Variants in PHACTR2 observed in about 807,000 individuals in gnomAD.
PHACTR2 encodes the protein chromosome 6 open reading frame 56.
PHACTR2 carries 30 observed loss-of-function variants against 76.0 expected under a neutral mutation model. The ratio of observed to expected loss-of-function variants is 0.39; its 90% CI spans 0.30 to 0.54. The LOEUF is 0.54. Among genes scored for constraint, PHACTR2 ranks in the 20% least tolerant of loss-of-function variants. The probability of loss-of-function intolerance (pLI) is 0.61; values close to 1 mark genes in which losing one functional copy is unlikely to be tolerated. For missense variants in PHACTR2, 696 were observed against 781.1 expected, an observed-to-expected ratio of 0.89 and a Z score of 1.30; for synonymous variants, 292 against 292.5, an observed-to-expected ratio of 1.00 and a Z score of 0.02.
chr6:143,598,339 A>G lies in PHACTR2; in HGVS notation c.217+61132A>G, dbSNP rs1466854871. Among the ~76,000 whole-genome samples, 7 of 152,178 alleles carry G rather than the reference A, an allele frequency of 4.6e-5. No homozygotes were observed. The highest frequency in any genetic ancestry group is 8.8e-5 in the Non-Finnish European group (6 of 68,034). Reference sequence around the variant, plus strand: ...ATTTTGGAGCAATGAGGCTGTAACCAAAGAATGCAACTGAGCCTAGGAGGT... The same window carrying G: ...ATTTTGGAGCAATGAGGCTGTAACCGAAGAATGCAACTGAGCCTAGGAGGT... On this transcript the variant is annotated intron_variant, in intron 1 of 11. Coordinates refer to the PHACTR2 transcript ENST00000367584. The surrounding 1 kb of genome is among the most constrained non-coding windows in gnomAD (Gnocchi z 4.1).
In PHACTR2 at chr6:143,826,746, T is replaced by C. The variant is rs1327038739; in HGVS notation, c.*3057T>C. The C allele has an allele frequency of 2.6e-5, 4 of 152,190 alleles. No homozygotes were observed. The highest frequency in any genetic ancestry group is 9.6e-5 in the African/African-American group (4 of 41,458). The allele number at this position is 152,190 out of a possible 1,614,324, so 9.4% of individuals were successfully genotyped here. ...TTGCCTGATAATTTCCTGTGTTATG[T>C]GAAGTGTCTTGCACTTTCACATGTT... On this transcript the variant is annotated 3_prime_UTR_variant, in exon 13 of 13. Coordinates refer to ENST00000440869, the MANE Select transcript of PHACTR2 (RefSeq NM_001100164.2).
rs1776528944 is a variant in PHACTR2, at chr6:143,826,288, G to A, written c.*2599G>A. 6.6e-6 allele frequency: 1 copy of A among 152,298 alleles called. No homozygotes were observed. The highest frequency in any genetic ancestry group is 1.5e-5 in the Non-Finnish European group (1 of 68,104). The allele number at this position is 152,298 out of a possible 1,614,324, so 9.4% of individuals were successfully genotyped here. A position where few individuals can be genotyped will look rare whatever the true frequency, so the allele number is the denominator to read the frequency against. On this transcript the variant is annotated 3_prime_UTR_variant, in exon 13 of 13. Coordinates refer to ENST00000440869, the MANE Select transcript of PHACTR2 (RefSeq NM_001100164.2). ...CTGGGGGCCCTAAAGGGATGCAGAG[G>A]TCTGGCCCACCCTCCGTGCATAGGC...
chr6:143,676,836 A>G (rs975709485), upstream of PHACTR2, among the ~76,000 whole-genome samples: 1 of 152,156 alleles, frequency 6.6e-6, no homozygotes, highest in Non-Finnish European at 1.5e-5. This position sits in a 1 kb window ranked among gnomAD's most constrained non-coding sequence, Gnocchi z 4.8. Flanking sequence ...TCTTCCTCAC[A>G]GTGGTGGGTG....
In PHACTR2 at chr6:143,733,952, T is replaced by A. The variant is rs1778762748; in HGVS notation, c.215-15033T>A. ...AGGTATATAATTGTGTTAAAACAGA[T>A]TTCCTCTATGTGCTCTAAATATAAA... On this transcript the variant is annotated intron_variant, in intron 2 of 12. Transcript: ENST00000440869. The surrounding 1 kb of genome is among the most constrained non-coding windows in gnomAD (Gnocchi z 4.0). Among the ~76,000 whole-genome samples, 1 of 152,228 alleles carries A rather than the reference T, an allele frequency of 6.6e-6. No individual in the cohort carries two copies. The highest frequency in any genetic ancestry group is 1.9e-4 in the East Asian group (1 of 5,202).
rs1778873785 is a variant in PHACTR2, at chr6:143,738,725, C to T, written c.215-10260C>T. 6.6e-6 allele frequency among the ~76,000 whole-genome samples: 1 copy of T among 151,708 alleles called. No individual in the cohort carries two copies. Among genetic ancestry groups the T allele is most frequent in the Admixed American group, 6.6e-5 (1 of 15,238 alleles). ...GAGCCAAGATCGTGCAACTGTACTC[C>T]AGCCTGGGTGATAGAGCAGGACCTT... On this transcript the variant is annotated intron_variant, in intron 2 of 12. Transcript: ENST00000440869. The surrounding 1 kb of genome is among the most constrained non-coding windows in gnomAD (Gnocchi z 4.0).
intron 1 of PHACTR2, among the ~76,000 whole-genome samples, chr6:143,644,890 T>C (rs1424241875): frequency 6.6e-6 from 1 of 152,130 alleles, no homozygotes; most frequent in South Asian, 2.1e-4. Flanking sequence ...GTAAGTTCTT[T>C]AGTGGTGATT....
chr6:143,584,340 A>T (rs1055550650), intron 1 of PHACTR2, among the ~76,000 whole-genome samples: 1 of 152,228 alleles, frequency 6.6e-6, no homozygotes, highest in African/African-American at 2.4e-5. Context: ...AGGCATCCTG[A>T]GTCCCTCCAC....
rs1164585926 is a variant in PHACTR2 at position 143,806,966 on chromosome 6, A to C, written c.1846-91A>C. 1 of 654,476 alleles carries C rather than the reference A, an allele frequency of 1.5e-6. No individual in the cohort carries two copies. Among genetic ancestry groups the C allele is most frequent in the Non-Finnish European group, 2.6e-6 (1 of 383,448 alleles). The allele number at this position is 654,476 out of a possible 1,614,324, so 40.5% of individuals were successfully genotyped here. On this transcript the variant is annotated intron_variant, in intron 11 of 12. Transcript: ENST00000440869. The surrounding 1 kb of genome is among the most constrained non-coding windows in gnomAD (Gnocchi z 5.8). ...AGCGAGACTCTATCTCTTAAAAAAA[A>C]AAAAAAGGTCTGCTTCATTGATGCT...
intron 1 of PHACTR2, among the ~76,000 whole-genome samples, chr6:143,615,259 T>C (rs1776041937): frequency 6.6e-6 from 1 of 152,216 alleles, no homozygotes; most frequent in African/African-American, 2.4e-5. Context: ...CAACTCATCA[T>C]TTTTCATGTT....
At chr6:143,574,267 T>C (rs958411482) in intron 1 of PHACTR2, among the ~76,000 whole-genome samples, 1 of 152,194 alleles carries the variant, frequency 6.6e-6, no homozygotes, top group Non-Finnish European at 1.5e-5. Flanking sequence ...TCTAGTTCAC[T>C]AAGGCAGAGT....
chr6:143,556,813 T>C lies in PHACTR2; in HGVS notation c.217+19606T>C, dbSNP rs1262732340. On this transcript the variant is annotated intron_variant, in intron 1 of 11. Coordinates refer to the PHACTR2 transcript ENST00000367584. This position sits in a 1 kb window ranked among gnomAD's most constrained non-coding sequence, Gnocchi z 4.3. The stretch of plus-strand genomic sequence containing the variant: ...ACCATGGGGTCCAATTGCTGCCATT[T>C]AGAAAAGCATGCTTTTAAAGTGTGT... Among the ~76,000 whole-genome samples, 1 of 152,226 alleles carries C rather than the reference T, an allele frequency of 6.6e-6. No homozygotes were observed. The highest frequency in any genetic ancestry group is 1.5e-5 in the Non-Finnish European group (1 of 68,030).
At chr6:143,577,538 T>A (rs530996839) in intron 1 of PHACTR2, among the ~76,000 whole-genome samples, 6 of 152,108 alleles carry the variant, frequency 3.9e-5, no homozygotes, top group African/African-American at 1.4e-4. Flanking sequence ...AGCAGAGGCA[T>A]TGAGATGAGA....
intron 2 of PHACTR2, among the ~76,000 whole-genome samples, chr6:143,737,799 T>C (rs765490487): frequency 3.3e-5 from 5 of 152,246 alleles, no homozygotes; most frequent in Non-Finnish European, 7.3e-5. Flanking sequence ...GTAGTTTATC[T>C]TTCCTGCTTT....
intron 1 of PHACTR2, among the ~76,000 whole-genome samples, chr6:143,552,346 C>T (rs1775106570): frequency 4.6e-5 from 7 of 152,148 alleles, no homozygotes; most frequent in Admixed American, 4.6e-4. Flanking sequence ...CAAAGCATTT[C>T]TGATGAAGTT....
Position 143,621,818 on chromosome 6 carries a change from C to T in PHACTR2, c.13+13496C>T, listed in dbSNP as rs1383535028. Among the ~76,000 whole-genome samples, 2 of 152,210 alleles carry T rather than the reference C, an allele frequency of 1.3e-5. No individual in the cohort carries two copies. Among genetic ancestry groups the T allele is most frequent in the African/African-American group, 4.8e-5 (2 of 41,458 alleles). Reference sequence around the variant, plus strand: ...TTTGCGAACAGTAGCTCATTTCTTCCTCTCAGCTACCTCCCAAGGTGATCA... The same window carrying T: ...TTTGCGAACAGTAGCTCATTTCTTCTTCTCAGCTACCTCCCAAGGTGATCA... On this transcript the variant is annotated intron_variant, in intron 1 of 11. Transcript: ENST00000305766. The surrounding 1 kb of genome is among the most constrained non-coding windows in gnomAD (Gnocchi z 4.1).
intron 2 of PHACTR2, among the ~76,000 whole-genome samples, chr6:143,725,646 C>T (rs1455494634): frequency 1.3e-5 from 2 of 151,628 alleles, no homozygotes. Context: ...ACCATCCTGG[C>T]CAATATGGTG....
intron 1 of PHACTR2, among the ~76,000 whole-genome samples, chr6:143,626,536 C>CAAAAA (rs35107482): frequency 0.015 from 1,878 of 122,080 alleles, 60 homozygotes; most frequent in Non-Finnish European, 0.022. Context: ...GACTCCGTCT[C>CAAAAA]AAAAAAAAAA....
Position 143,817,232 on chromosome 6 carries a change from A to C in PHACTR2, c.1923-6442A>C, listed in dbSNP as rs543655386. Among the ~76,000 whole-genome samples the C allele has an allele frequency of 5.3e-5, 8 of 152,340 alleles. No homozygotes were observed. The South Asian group carries it at 1.7e-3, about 32-fold the overall frequency. ...CCCTTGAATTCAAGATTAGATGAAC[A>C]TCTGAAGATTAGGACACTGTGGAAT... On this transcript the variant is annotated intron_variant, in intron 12 of 12. Coordinates refer to ENST00000440869, the MANE Select transcript of PHACTR2 (RefSeq NM_001100164.2).
rs142857063 is a variant in PHACTR2, at chr6:143,565,932, A to T, written c.217+28725A>T. Reference sequence around the variant, plus strand: ...TACAGATAATTTTTAAAAAGCATTCACTTTGCTGCTGTGTTGGAAATAGAG... The same window carrying T: ...TACAGATAATTTTTAAAAAGCATTCTCTTTGCTGCTGTGTTGGAAATAGAG... On this transcript the variant is annotated intron_variant, in intron 1 of 11. Coordinates refer to the PHACTR2 transcript ENST00000367584. 1.3e-3 allele frequency among the ~76,000 whole-genome samples: 199 copies of T among 152,056 alleles called. 2 individuals are homozygous for T. The highest frequency in any genetic ancestry group is 0.01 in the Admixed American group (160 of 15,270).
Sources: gnomAD v4.1 joint callset for allele counts (sites outside exome capture counted in the v4.1 genomes callset) on GRCh38, gnomAD v4.1.1 for gene constraint, Gnocchi (gnomAD v3.1) non-coding constraint, MANE v1.5 for transcripts, NCBI Gene and HGNC (gene_info 2026-07-23, HGNC 2026-07-21) for gene names.